COL4A6: variants seen among roughly 807,000 people sequenced by gnomAD.
COL4A6 encodes the protein collagen type IV alpha 6 chain.
Under a neutral mutation model 126.7 loss-of-function variants are expected in COL4A6, and 59 were observed. The ratio of observed to expected loss-of-function variants is 0.47; its 90% confidence interval spans 0.38 to 0.58. The LOEUF is 0.58. Ranked by LOEUF, COL4A6 falls within the 20% of genes least tolerant of loss-of-function variation. COL4A6 has a pLI of 0.00. For missense variants in COL4A6, 1,285 were observed against 1,337.3 expected, an observed-to-expected ratio of 0.96 and a Z score of 0.61; for synonymous variants, 547 against 496.6, an observed-to-expected ratio of 1.10 and a Z score of -1.35.
At chrX:108,326,221 G>A (rs1017171354) in intron 2 of COL4A6, among the ~76,000 whole-genome samples, 3 of 112,056 alleles carry the variant, frequency 2.7e-5, no homozygotes, top group Non-Finnish European at 5.6e-5. Flanking sequence ...ATACAAGGTC[G>A]ATATACAAAA....
intron 3 of COL4A6, 104 bp downstream of exon 3, chrX:108,310,644 C>A: frequency 1.5e-6 from 1 of 688,885 alleles, no homozygotes. Flanking sequence ...TTTGCTTGTT[C>A]CATGAGGTCA....
chrX:108,403,805 G>A (rs1461690075), intron 2 of COL4A6, among the ~76,000 whole-genome samples: 1 of 111,502 alleles, frequency 9.0e-6, no homozygotes, highest in African/African-American at 3.3e-5. Flanking sequence ...TACTTCCTCA[G>A]TACTTGGTGA....
intron 2 of COL4A6, among the ~76,000 whole-genome samples, chrX:108,411,041 T>A (rs2041317205): frequency 8.9e-6 from 1 of 112,058 alleles, no homozygotes; most frequent in Non-Finnish European, 1.9e-5. Context: ...GGTAAAACAA[T>A]CAACATCTCA....
intron 14 of COL4A6, among the ~76,000 whole-genome samples, chrX:108,195,495 C>T (rs1475154081): frequency 8.9e-6 from 1 of 112,275 alleles, no homozygotes; most frequent in African/African-American, 3.2e-5. Context: ...TGGTCTCGAA[C>T]TCCTGACCTC....
At chrX:108,235,859 G>A (rs1026847753) in intron 3 of COL4A6, among the ~76,000 whole-genome samples, 2 of 110,605 alleles carry the variant, frequency 1.8e-5, no homozygotes, top group South Asian at 3.9e-4. Flanking sequence ...GGGGGAAGTG[G>A]CAGTCAGAAA....
chrX:108,332,939 G>C (rs73526985), intron 2 of COL4A6, among the ~76,000 whole-genome samples: 7,526 of 108,673 alleles, frequency 0.069, 551 homozygotes, highest in African/African-American at 0.21. Flanking sequence ...ATTTTTCCTA[G>C]TTTTTTTTTC....
intron 3 of COL4A6, among the ~76,000 whole-genome samples, chrX:108,222,562 C>A (rs934204455): frequency 8.9e-6 from 1 of 111,745 alleles, no homozygotes; most frequent in Non-Finnish European, 1.9e-5. Context: ...CTGTGATGAT[C>A]CTTTGGAGTA....
chrX:108,300,654 T>C (rs1204810587), intron 3 of COL4A6, among the ~76,000 whole-genome samples: 2 of 110,059 alleles, frequency 1.8e-5, no homozygotes, highest in Admixed American at 1.9e-4. Flanking sequence ...TACCAGTCTA[T>C]CCATTTGAGG....
At chrX:108,241,677 CCTGGAAGCT>C (rs1332890795) in intron 3 of COL4A6, among the ~76,000 whole-genome samples, 7 of 107,088 alleles carry the variant, frequency 6.5e-5, no homozygotes, top group Non-Finnish European at 9.6e-5. Flanking sequence ...AGGAGCTGAA[CCTGGAAGCT>C]CTGGAGAAGA....
intron 3 of COL4A6, among the ~76,000 whole-genome samples, chrX:108,240,370 C>T (rs1311097403): frequency 8.9e-6 from 1 of 112,366 alleles, no homozygotes; most frequent in Non-Finnish European, 1.9e-5. Flanking sequence ...ACCATTGATT[C>T]AGATCTATTA....
chrX:108,255,185 C>CAAAAAAA (rs34052577), intron 3 of COL4A6, among the ~76,000 whole-genome samples: 1 of 31,556 alleles, frequency 3.2e-5, no homozygotes, highest in Non-Finnish European at 5.1e-5. Flanking sequence ...CCACAGGGGG[C>CAAAAAAA]AAAAAAAAAA....
chrX:108,433,335 A>G (rs1455111422), intron 2 of COL4A6, among the ~76,000 whole-genome samples: 1 of 111,091 alleles, frequency 9.0e-6, no homozygotes, highest in African/African-American at 3.3e-5. Context: ...ACTTTAAACC[A>G]AGTAAAAGCC....
At chrX:108,313,199 C>A (rs1362920883) in intron 2 of COL4A6, among the ~76,000 whole-genome samples, 1 of 111,750 alleles carries the variant, frequency 8.9e-6, no homozygotes, top group Non-Finnish European at 1.9e-5. Flanking sequence ...CAGACTAGAC[C>A]TGAGAAGCCT....
At chrX:108,429,477 A>C (rs760874364) in intron 2 of COL4A6, among the ~76,000 whole-genome samples, 5 of 111,976 alleles carry the variant, frequency 4.5e-5, no homozygotes, top group Non-Finnish European at 9.4e-5. Context: ...AGGACATTGT[A>C]TAGAACAAAA....
intron 3 of COL4A6, among the ~76,000 whole-genome samples, chrX:108,303,008 C>G (rs945551119): frequency 1.7e-4 from 18 of 108,077 alleles, no homozygotes; most frequent in African/African-American, 5.1e-4. Flanking sequence ...CTCCACCCCC[C>G]CAATTTGCAG....
intron 8 of COL4A6, 173 bp from the exon 9 acceptor site, chrX:108,206,753 T>C (rs2035555809): frequency 1.9e-6 from 1 of 540,162 alleles, no homozygotes; most frequent in Admixed American, 2.3e-5. Context: ...CTCTGATAGA[T>C]TCAAACAGTG....
At chrX:108,384,317 CATCT>C (rs1384707099) in intron 2 of COL4A6, among the ~76,000 whole-genome samples, 1 of 112,029 alleles carries the variant, frequency 8.9e-6, no homozygotes, top group East Asian at 2.8e-4. Context: ...TCCATCCATC[CATCT>C]GATTTACTGT....
chrX:108,159,673 T>C lies in COL4A6; in HGVS notation c.4601A>G (p.Tyr1534Cys), dbSNP rs150896729. Reference protein sequence around the residue: ...IYCNINEVCHYARRNDKSYWL... With the variant: ...IYCNINEVCHCARRNDKSYWL... ...GTAAGATTTATCATTGCGCCTGGCATAGTGGCACACCTCGTTGATGTTGCA... is the reference window on the plus strand; with the variant it reads ...GTAAGATTTATCATTGCGCCTGGCACAGTGGCACACCTCGTTGATGTTGCA... Residue 1534 changes from tyrosine (Y) to cysteine (C), a missense_variant, in exon 44 of 45, where the codon TAT (tyrosine) becomes TGT (cysteine). By Grantham distance (194) the Tyr-to-Cys change is radical (BLOSUM62 -2). Coordinates refer to ENST00000334504, the MANE Select transcript of COL4A6 (RefSeq NM_033641.4). The C allele has an allele frequency of 1.9e-4, 225 of 1,210,269 alleles. No homozygotes were observed. Among genetic ancestry groups the C allele is most frequent in the Non-Finnish European group, 2.5e-4 (220 of 895,272 alleles).
chrX:108,372,682 G>C (rs1232406871), intron 2 of COL4A6, among the ~76,000 whole-genome samples: 3 of 111,739 alleles, frequency 2.7e-5, no homozygotes, highest in African/African-American at 9.8e-5. Flanking sequence ...AGGAGCTAAA[G>C]AGTCCCCTTT....
Sources: allele counts gnomAD v4.1 joint callset (sites outside exome capture counted in the v4.1 genomes callset), GRCh38; gene constraint gnomAD v4.1.1; transcripts MANE v1.5; gene names NCBI Gene and HGNC (gene_info 2026-07-23, HGNC 2026-07-21).